Variants in ANKIB1 observed in about 807,000 individuals in gnomAD.
The protein encoded by ANKIB1 is ankyrin repeat and IBR domain-containing protein 1.
Under a neutral mutation model 122.1 loss-of-function variants are expected in ANKIB1, and 43 were observed. That is an observed-to-expected ratio of 0.35 (90% CI 0.28 to 0.45). The LOEUF is 0.45. Among genes scored for constraint, ANKIB1 ranks in the 20% least tolerant of loss-of-function variants. The pLI, the probability that ANKIB1 is intolerant of heterozygous loss-of-function variation, is 1.00. For synonymous variants in ANKIB1, 390 were observed against 442.0 expected, an observed-to-expected ratio of 0.88 and a Z score of 1.48; for missense variants, 992 against 1,329.5, an observed-to-expected ratio of 0.75 and a Z score of 3.95.
chr7:92,386,419 T>C (rs1804652036), intron 11 of ANKIB1, 90 bp from the exon 12 acceptor site: 3 of 1,352,022 alleles, frequency 2.2e-6, no homozygotes, highest in Non-Finnish European at 2.9e-6. Flanking sequence ...AGCACAATTA[T>C]TTAATCTTTA....
intron 10 of ANKIB1, among the ~76,000 whole-genome samples, chr7:92,364,310 TAAAAAAAAAAA>T (rs762884822): frequency 2.4e-4 from 8 of 33,506 alleles, no homozygotes; most frequent in South Asian, 1.1e-3. Flanking sequence ...AGACTCCATC[TAAAAAAAAAAA>T]AAAAAAAAAA....
chr7:92,380,907 T>G (rs1804498030), intron 11 of ANKIB1, among the ~76,000 whole-genome samples: 1 of 152,118 alleles, frequency 6.6e-6, no homozygotes, highest in Non-Finnish European at 1.5e-5. Context: ...GAGAATGACT[T>G]TGACAGTTGA....
chr7:92,294,908 A>T lies in ANKIB1; in HGVS notation c.-71A>T. ...CATTAGAATGTGAAAGATGTTGCAG[A>T]AGTGTTCCAGAAGTGGCTGAAGATA... On this transcript the variant is annotated 5_prime_UTR_variant, in exon 2 of 20. The change creates a premature stop within an existing upstream ORF in the 5' untranslated region. Coordinates refer to ENST00000265742, the MANE Select transcript of ANKIB1 (RefSeq NM_019004.2). 1.8e-6 allele frequency: 2 copies of T among 1,130,744 alleles called. No homozygotes were observed. Among genetic ancestry groups the T allele is most frequent in the Non-Finnish European group, 2.5e-6 (2 of 809,030 alleles). The allele number at this position is 1,130,744 out of a possible 1,614,324, so 70.0% of individuals were successfully genotyped here.
intron 17 of ANKIB1, among the ~76,000 whole-genome samples, chr7:92,393,218 T>C (rs1409954954): frequency 6.6e-6 from 1 of 152,076 alleles, no homozygotes; most frequent in Non-Finnish European, 1.5e-5. Context: ...TTTCAGCTGC[T>C]GAAGATACTT....
At chr7:92,261,414 GTT>G (rs758404318) in intron 1 of ANKIB1, among the ~76,000 whole-genome samples, 2,540 of 148,650 alleles carry the variant, frequency 0.017, 78 homozygotes, top group East Asian at 0.089. Context: ...GTTTTGTTTT[GTT>G]TTGTTTTGTT....
intron 10 of ANKIB1, among the ~76,000 whole-genome samples, chr7:92,368,334 G>A (rs1011944819): frequency 6.6e-6 from 1 of 151,102 alleles, no homozygotes; most frequent in Admixed American, 6.6e-5. Context: ...AGCTGTAACT[G>A]AAGTGAAGAG....
chr7:92,344,349 C>T (rs1241713025), intron 6 of ANKIB1, among the ~76,000 whole-genome samples: 1 of 151,654 alleles, frequency 6.6e-6, no homozygotes, highest in African/African-American at 2.4e-5. Flanking sequence ...GGATTACAGA[C>T]ATGCACCACC....
At chr7:92,318,743 A>G (rs895385008) in intron 3 of ANKIB1, among the ~76,000 whole-genome samples, 3 of 152,192 alleles carry the variant, frequency 2.0e-5, no homozygotes, top group Admixed American at 2.0e-4. Context: ...CTTTGGGTCA[A>G]AGAGAGATGG....
At chr7:92,265,500 A>G (rs1251205830) in intron 1 of ANKIB1, among the ~76,000 whole-genome samples, 1 of 152,256 alleles carries the variant, frequency 6.6e-6, no homozygotes, top group Non-Finnish European at 1.5e-5. Context: ...GAATTTGAAT[A>G]CTATTCTAAT....
At chr7:92,385,265 G>A (rs922983541) in intron 11 of ANKIB1, among the ~76,000 whole-genome samples, 17 of 152,122 alleles carry the variant, frequency 1.1e-4, no homozygotes, top group African/African-American at 3.6e-4. Flanking sequence ...AAATAGGAAC[G>A]CTTTTACACT....
intron 9 of ANKIB1, among the ~76,000 whole-genome samples, chr7:92,353,268 G>C (rs1013571731): frequency 1.3e-5 from 2 of 152,094 alleles, no homozygotes; most frequent in Non-Finnish European, 2.9e-5. Flanking sequence ...CTGCAGGCTC[G>C]TTGTTTCTTG....
chr7:92,273,028 G>A (rs531921491), intron 1 of ANKIB1, among the ~76,000 whole-genome samples: 1 of 152,204 alleles, frequency 6.6e-6, no homozygotes, highest in East Asian at 1.9e-4. Context: ...GATATATATA[G>A]TACTCTATAT....
chr7:92,358,013 C>T (rs574495036), intron 9 of ANKIB1, among the ~76,000 whole-genome samples: 1 of 152,028 alleles, frequency 6.6e-6, no homozygotes, highest in African/African-American at 2.4e-5. Context: ...GAGGCCGAGG[C>T]GGGCATATCA....
At position 92,327,246 on chromosome 7, in the gene ANKIB1, G is replaced by A. The variant is rs187015358; in HGVS notation, c.670-537G>A. ...GTACATGAGTCCCAGTATCTGCTTTGCAGCATGAAAGAGACTTGTGAAAAG... is the reference window on the plus strand; with the variant it reads ...GTACATGAGTCCCAGTATCTGCTTTACAGCATGAAAGAGACTTGTGAAAAG... On this transcript the variant is annotated intron_variant, in intron 4 of 19. Coordinates refer to ENST00000265742, the MANE Select transcript of ANKIB1 (RefSeq NM_019004.2). Among the ~76,000 whole-genome samples the A allele has an allele frequency of 1.9e-3, 295 of 152,258 alleles. 1 individual carries two copies. Among genetic ancestry groups the A allele is most frequent in the African/African-American group, 6.7e-3 (279 of 41,556 alleles).
At chr7:92,358,546 T>C (rs1269073051) in intron 9 of ANKIB1, among the ~76,000 whole-genome samples, 1 of 151,692 alleles carries the variant, frequency 6.6e-6, no homozygotes, top group Non-Finnish European at 1.5e-5. Context: ...GGCTTTTTTT[T>C]TTTTTCAGAC....
chr7:92,331,876 A>G (rs187887729), intron 5 of ANKIB1, among the ~76,000 whole-genome samples: 41 of 152,146 alleles, frequency 2.7e-4, no homozygotes, highest in African/African-American at 9.7e-4. Context: ...GCCAAATCAT[A>G]TAGTGTTCAT....
chr7:92,386,733 A>T, intron 12 of ANKIB1, 90 bp downstream of exon 12: 1 of 1,232,570 alleles, frequency 8.1e-7, no homozygotes. Context: ...TTTCATCTTA[A>T]TAAAGTATTA....
intron 1 of ANKIB1, among the ~76,000 whole-genome samples, chr7:92,286,011 G>A (rs117223959): frequency 1.1e-3 from 172 of 152,260 alleles, no homozygotes; most frequent in Admixed American, 1.9e-3. Flanking sequence ...TTTATAGAAG[G>A]TAATTTAATG....
chr7:92,331,268 C>CTTTTT (rs1438187815), intron 5 of ANKIB1, among the ~76,000 whole-genome samples: 1 of 135,738 alleles, frequency 7.4e-6, no homozygotes, highest in Non-Finnish European at 1.6e-5. Context: ...AACATCACTT[C>CTTTTT]TTTTTTTTTT....
Sources: allele counts gnomAD v4.1 joint callset (sites outside exome capture counted in the v4.1 genomes callset), GRCh38; gene constraint gnomAD v4.1.1; transcripts MANE v1.5; gene names NCBI Gene and HGNC (gene_info 2026-07-23, HGNC 2026-07-21).